The following F13A1 variants were observed in gnomAD, a reference collection of about 807,000 sequenced individuals.
The protein encoded by F13A1 is FSF, A subunit.
Under a neutral mutation model 80.1 loss-of-function variants are expected in F13A1, and 47 were observed. The ratio of observed to expected loss-of-function variants is 0.59; its 90% CI spans 0.46 to 0.75. F13A1 has a LOEUF of 0.75. F13A1 is among the 30% of genes least tolerant of loss of function. The pLI, the probability that F13A1 is intolerant of heterozygous loss-of-function variation, is 0.00. For missense variants in F13A1, 817 were observed against 930.4 expected (o/e 0.88, Z 1.59); for synonymous variants, 349 against 344.9 (o/e 1.01, Z -0.13).
rs140212130 is a variant in F13A1, at chr6:6,161,411, C to T, written c.1908+6047G>A. ...CCATGCATTCTCACAAACATTGCTACAGATGTCAATCCCCCCAGTGCAGTG... is the reference window on the plus strand; with the variant it reads ...CCATGCATTCTCACAAACATTGCTATAGATGTCAATCCCCCCAGTGCAGTG... On this transcript the variant is annotated intron_variant, in intron 13 of 14. Coordinates refer to ENST00000264870, the MANE Select transcript of F13A1 (RefSeq NM_000129.4). Among the ~76,000 whole-genome samples the T allele has an allele frequency of 4.3e-3, 649 of 152,196 alleles. 3 individuals are homozygous for T. Among genetic ancestry groups the T allele is most frequent in the South Asian group, 0.021 (100 of 4,816 alleles).
At chr6:6,156,740 A>G (rs1760484795) in intron 13 of F13A1, among the ~76,000 whole-genome samples, 1 of 152,228 alleles carries the variant, frequency 6.6e-6, no homozygotes, top group South Asian at 2.1e-4. Context: ...TTTTTCCAAT[A>G]TAGTAGCCAC....
intron 8 of F13A1, among the ~76,000 whole-genome samples, chr6:6,199,936 G>T (rs989522121): frequency 6.6e-6 from 1 of 152,116 alleles, no homozygotes; most frequent in African/African-American, 2.4e-5. Flanking sequence ...GAGATGTGAG[G>T]GACTCGGATG....
intron 4 of F13A1, among the ~76,000 whole-genome samples, chr6:6,251,530 C>T (rs1757632940): frequency 6.6e-6 from 1 of 152,110 alleles, no homozygotes; most frequent in Non-Finnish European, 1.5e-5. Flanking sequence ...CTTTTCTTCC[C>T]TGTGGCTAGA....
At chr6:6,268,098 A>G (rs1757870785) in intron 3 of F13A1, among the ~76,000 whole-genome samples, 2 of 152,270 alleles carry the variant, frequency 1.3e-5, no homozygotes, top group African/African-American at 4.8e-5. Flanking sequence ...GAATCCAGTC[A>G]TAACCTAATT....
rs370738727 is a variant in F13A1, at chr6:6,213,202, C to A, written c.1112+8831G>T. Among the ~76,000 whole-genome samples, 1,138 of 151,426 alleles carry A rather than the reference C, an allele frequency of 7.5e-3. 2 individuals are homozygous for A. The highest frequency in any genetic ancestry group is 0.025 in the East Asian group (129 of 5,144). ...AACACCACAAAGATACTCCTCGAGA[C>A]GAGCAACTCCAAGACACATAATTGT... On this transcript the variant is annotated intron_variant, in intron 8 of 14. Transcript: ENST00000264870.
At chr6:6,248,543 C>G (rs1379574331) in intron 5 of F13A1, 124 bp from the exon 6 acceptor site, 1 of 730,706 alleles carries the variant, frequency 1.4e-6, no homozygotes, top group African/African-American at 1.7e-5. Flanking sequence ...GTATAGTGAT[C>G]TCCCATAATC....
intron 8 of F13A1, among the ~76,000 whole-genome samples, chr6:6,198,564 C>T (rs1008494940): frequency 6.6e-6 from 1 of 152,100 alleles, no homozygotes; most frequent in Non-Finnish European, 1.5e-5. Context: ...TTGATTGGTT[C>T]AAGAGATATT....
chr6:6,278,333 G>A (rs1315953675), intron 3 of F13A1, among the ~76,000 whole-genome samples: 2 of 152,138 alleles, frequency 1.3e-5, no homozygotes, highest in Non-Finnish European at 2.9e-5. Context: ...GTCAGAGCTG[G>A]GGGTGCTATT....
chr6:6,161,758 G>A (rs544049877), intron 13 of F13A1, among the ~76,000 whole-genome samples: 34 of 152,090 alleles, frequency 2.2e-4, no homozygotes, highest in Admixed American at 2.0e-4. Context: ...ACACATGGTG[G>A]GTGCTGGGAA....
Position 6,176,471 on chromosome 6 carries a change from A to G in F13A1, c.1460-1604T>C, listed in dbSNP as rs1172495382. ...TAGGTGAATTAGAGGAAGTAGATAT[A>G]TAATAAATGGAAGCTACTCTGCAAA... On this transcript the variant is annotated intron_variant, in intron 11 of 14. Coordinates refer to ENST00000264870, the MANE Select transcript of F13A1 (RefSeq NM_000129.4). Among the ~76,000 whole-genome samples the G allele has an allele frequency of 2.0e-5, 3 of 152,230 alleles. No homozygotes were observed. In the East Asian group the frequency reaches 5.8e-4, roughly 29 times the overall value.
intron 14 of F13A1, among the ~76,000 whole-genome samples, chr6:6,149,189 CA>C (rs1760331757): frequency 6.6e-6 from 1 of 151,996 alleles, no homozygotes; most frequent in African/African-American, 2.4e-5. Flanking sequence ...TTGTATATTA[CA>C]AAAGAGCTAG....
intron 8 of F13A1, among the ~76,000 whole-genome samples, chr6:6,211,094 G>T (rs756068486): frequency 6.6e-6 from 1 of 152,200 alleles, no homozygotes; most frequent in African/African-American, 2.4e-5. Flanking sequence ...TGTAATTCAG[G>T]TTCTGCCACT....
At chr6:6,197,384 GA>G (rs1761310602) in intron 8 of F13A1, 58 bp from the exon 9 acceptor site, 14 of 1,531,118 alleles carry the variant, frequency 9.1e-6, no homozygotes, top group Middle Eastern at 2.0e-4. Context: ...TGCTCCAAGA[GA>G]TCAAGAAGTG....
intron 3 of F13A1, among the ~76,000 whole-genome samples, chr6:6,282,655 G>T (rs1044486080): frequency 6.6e-6 from 1 of 152,196 alleles, no homozygotes; most frequent in Non-Finnish European, 1.5e-5. Flanking sequence ...TGCTGGGAGT[G>T]ATGACAGAAA....
chr6:6,300,450 C>T (rs1004878100), intron 3 of F13A1, among the ~76,000 whole-genome samples: 2 of 151,920 alleles, frequency 1.3e-5, no homozygotes, highest in South Asian at 2.1e-4. Context: ...CCTGATGCGC[C>T]GTTTTTTAAG....
At chr6:6,186,955 G>C (rs1298989532) in intron 10 of F13A1, among the ~76,000 whole-genome samples, 2 of 131,548 alleles carry the variant, frequency 1.5e-5, no homozygotes, top group South Asian at 5.7e-4. Flanking sequence ...TTGTAAGTTG[G>C]ATTCCTAGGT....
chr6:6,193,522 TAA>T (rs998367458), intron 10 of F13A1, among the ~76,000 whole-genome samples: 2 of 152,096 alleles, frequency 1.3e-5, no homozygotes, highest in Admixed American at 1.3e-4. Context: ...AAACATCTCT[TAA>T]AAATGGCTCA....
chr6:6,174,495 T>C (rs1041121861), intron 12 of F13A1, 85 bp downstream of exon 12: 3 of 1,448,914 alleles, frequency 2.1e-6, no homozygotes, highest in Middle Eastern at 2.3e-4. Context: ...TTAACTTTGA[T>C]ATAAAGCTAT....
At position 6,161,002 on chromosome 6, in the gene F13A1, A is replaced by G. The variant is rs563312508; in HGVS notation, c.1908+6456T>C. On this transcript the variant is annotated intron_variant, in intron 13 of 14. Transcript: ENST00000264870. ...ATTAGTTCTATTGGTGCTTCCTGAC[A>G]TCCTGCAAAGGCTGCAGGACTTTTT... Among the ~76,000 whole-genome samples, 323 of 152,256 alleles carry G rather than the reference A, an allele frequency of 2.1e-3. 1 individual carries two copies. The highest frequency in any genetic ancestry group is 6.9e-3 in the African/African-American group (288 of 41,548).
Sources: allele counts gnomAD v4.1 joint callset (sites outside exome capture counted in the v4.1 genomes callset), GRCh38; gene constraint gnomAD v4.1.1; transcripts MANE v1.5; gene names NCBI Gene and HGNC (gene_info 2026-07-23, HGNC 2026-07-21).